Variants in CDK2AP2 observed in about 807,000 individuals in gnomAD.
CDK2AP2 encodes the protein cyclin dependent kinase 2 associated protein 2, also known as cyclin-dependent kinase 2-associated protein 2.
A neutral mutation model predicts 13.0 loss-of-function variants in CDK2AP2; 1 was observed. That is an observed-to-expected ratio of 0.08 (90% CI 0.03 to 0.37). CDK2AP2 has a LOEUF of 0.37. Ranked by LOEUF, CDK2AP2 falls within the 10% of genes least tolerant of loss-of-function variation. The pLI, the probability that CDK2AP2 is intolerant of heterozygous loss-of-function variation, is 0.99. For synonymous variants in CDK2AP2, 76 were observed against 73.0 expected (o/e 1.04, Z -0.21); for missense variants, 129 against 175.8 (o/e 0.73, Z 1.50).
intron 1 of CDK2AP2, 116 bp downstream of exon 1, chr11:67,507,885 G>A (rs1032545608): frequency 6.5e-6 from 10 of 1,542,734 alleles, no homozygotes; most frequent in African/African-American, 1.4e-5. Flanking sequence ...TCACAGGCCA[G>A]CAAACTGAGG....
At chr11:67,507,247 G>T in intron 3 of CDK2AP2, 118 bp downstream of exon 3, 9 of 1,162,594 alleles carry the variant, frequency 7.7e-6, no homozygotes, top group Non-Finnish European at 1.1e-5. Context: ...ACACCTCTCT[G>T]GTAGTAATAC....
rs2083111756 is a variant in CDK2AP2, at chr11:67,506,507, A to C, written c.*438T>G. Reference sequence around the variant, plus strand: ...AGAAAGGCTCAGAGCTGAGAGCACAACTCCAAATCATCTTTTATTAATATA... The same window carrying C: ...AGAAAGGCTCAGAGCTGAGAGCACACCTCCAAATCATCTTTTATTAATATA... On this transcript the variant is annotated 3_prime_UTR_variant, in exon 4 of 4. Coordinates refer to ENST00000301488, the MANE Select transcript of CDK2AP2 (RefSeq NM_005851.5). 4.1e-6 allele frequency: 1 copy of C among 244,538 alleles called. No homozygotes were observed. The highest frequency in any genetic ancestry group is 8.1e-6 in the Non-Finnish European group (1 of 123,058). The allele number at this position is 244,538 out of a possible 1,614,324, so 15.1% of individuals were successfully genotyped here.
Position 67,508,113 on chromosome 11 carries a change from CGGCCGCTCCTCGGGGGTTGGCTGCGG to C in CDK2AP2, c.-57_-32del. ...ACTCCTGGGCGCGGCGGACGCCAGCCGGCCGCTCCTCGGGGGTTGGCTGCGGGGCCGCTCAGCCGCGCTCTGATTGG... is the reference window on the plus strand; with the variant it reads ...ACTCCTGGGCGCGGCGGACGCCAGCCGGCCGCTCAGCCGCGCTCTGATTGG... On this transcript the variant is annotated 5_prime_UTR_variant, in exon 1 of 4. Coordinates refer to ENST00000301488, the MANE Select transcript of CDK2AP2 (RefSeq NM_005851.5). The C allele has an allele frequency of 6.9e-7, 1 of 1,449,094 alleles. No homozygotes were observed. The allele number at this position is 1,449,094 out of a possible 1,614,324, so 89.8% of individuals were successfully genotyped here. A position where few individuals can be genotyped will look rare whatever the true frequency, so the allele number is the denominator to read the frequency against.
chr11:67,508,015 G>C lies in CDK2AP2; in HGVS notation c.68C>G (p.Thr23Ser). The C allele has an allele frequency of 1.9e-6, 3 of 1,543,500 alleles. No homozygotes were observed. The highest frequency in any genetic ancestry group is 2.6e-6 in the Non-Finnish European group (3 of 1,144,996). ...TGGATCCTCACCTGTAGGGACCGGG[G>C]TGCCCGGCCCAGGGGTGCTGGAGCC... The part of the protein sequence containing the change: ...TPGSSTPGPG[T>S]PVPTGSVPSP... The change falls in exon 1 of 4, where the codon ACC (threonine) becomes AGC (serine). Residue 23 changes from threonine to serine, a missense_variant. This residue lies in a region of CDK2AP2 where 98 missense variants were observed against 99.7 expected (regional missense o/e 0.98). Coordinates refer to ENST00000301488, the MANE Select transcript of CDK2AP2 (RefSeq NM_005851.5).
In CDK2AP2 at chr11:67,507,992, G is replaced by T; in HGVS notation, c.82+9C>A. ...CGGCAGGCGAGCAGGGGTGGAGCTGGATCCTCACCTGTAGGGACCGGGGTG... is the reference window on the plus strand; with the variant it reads ...CGGCAGGCGAGCAGGGGTGGAGCTGTATCCTCACCTGTAGGGACCGGGGTG... On this transcript the variant is annotated intron_variant, in intron 1 of 3. Transcript: ENST00000301488. 6.5e-7 allele frequency: 1 copy of T among 1,549,030 alleles called. No individual in the cohort carries two copies. Among genetic ancestry groups the T allele is most frequent in the South Asian group, 1.2e-5 (1 of 83,984 alleles).
intron 3 of CDK2AP2, 176 bp from the exon 4 acceptor site, chr11:67,507,188 A>C (rs762417562): frequency 1.2e-6 from 1 of 838,618 alleles, no homozygotes; most frequent in Non-Finnish European, 1.9e-6. Flanking sequence ...TGAAATACAA[A>C]TTCCCATGCT....
chr11:67,507,251 G>A, intron 3 of CDK2AP2, 114 bp downstream of exon 3: 2 of 1,199,018 alleles, frequency 1.7e-6, no homozygotes. Flanking sequence ...CTCTCTGGTA[G>A]TAATACTGGA....
intron 3 of CDK2AP2, 73 bp downstream of exon 3, chr11:67,507,291 CA>C (rs1866554539): frequency 3.2e-6 from 5 of 1,579,946 alleles, no homozygotes. Flanking sequence ...AGGTGGCCTC[CA>C]GATGTCCTTC....
intron 3 of CDK2AP2, 69 bp from the exon 4 acceptor site, chr11:67,507,081 G>GC: frequency 8.9e-7 from 1 of 1,129,340 alleles, no homozygotes; most frequent in South Asian, 1.5e-5. Context: ...GAGGACCCCT[G>GC]CCTCCCCACT....
intron 3 of CDK2AP2, 77 bp downstream of exon 3, chr11:67,507,288 C>T (rs1866554372): frequency 1.2e-5 from 19 of 1,570,362 alleles, no homozygotes; most frequent in Non-Finnish European, 1.7e-5. Context: ...CTCAGGTGGC[C>T]TCCAGATGTC....
At position 67,506,761 on chromosome 11, in the gene CDK2AP2, TGTG is replaced by T; in HGVS notation, c.*181_*183del. On this transcript the variant is annotated 3_prime_UTR_variant, in exon 4 of 4. Transcript: ENST00000301488. Reference sequence around the variant, plus strand: ...TGGGGACCTCGCTGCTAACTCTTGTTGTGGGGGGGTGTCCTTAGTGCTGCCACC... The same window carrying T: ...TGGGGACCTCGCTGCTAACTCTTGTTGGGGGGTGTCCTTAGTGCTGCCACC... The T allele has an allele frequency of 1.7e-6, 1 of 586,974 alleles. No individual in the cohort carries two copies. The highest frequency in any genetic ancestry group is 3.0e-6 in the Non-Finnish European group (1 of 332,688). 36.4% of individuals were successfully genotyped at this position (586,974 alleles called of 1,614,324 possible). A position where few individuals can be genotyped will look rare whatever the true frequency, so the allele number is the denominator to read the frequency against.
Position 67,508,046 on chromosome 11 carries a change from T to C in CDK2AP2, c.37A>G (p.Thr13Ala), listed in dbSNP as rs1467171114. 9 of 1,525,282 alleles carry C rather than the reference T, an allele frequency of 5.9e-6. No individual in the cohort carries two copies. The Admixed American group carries it at 7.2e-5, about 12-fold the overall frequency. 94.5% of individuals were successfully genotyped at this position (1,525,282 alleles called of 1,614,324 possible). Residue 13 changes from threonine to alanine, a missense_variant, in exon 1 of 4, where the codon ACC becomes GCC. Around this residue, in one of 2 missense-constraint regions of CDK2AP2, gnomAD observed 98 missense variants for 99.7 expected, o/e 0.98. Coordinates refer to ENST00000301488, the MANE Select transcript of CDK2AP2 (RefSeq NM_005851.5). Reference protein sequence around the residue: ...YKPIAPAPSSTPGSSTPGPGT... With the variant: ...YKPIAPAPSSAPGSSTPGPGT... ...GGCCCAGGGGTGCTGGAGCCAGGGG[T>C]GCTGCTGGGAGCAGGGGCGATGGGT...
chr11:67,506,665 G>C lies in CDK2AP2; in HGVS notation c.*280C>G, dbSNP rs971186497. 7.9e-6 allele frequency: 4 copies of C among 509,044 alleles called. No individual in the cohort carries two copies. The highest frequency in any genetic ancestry group is 1.4e-5 in the Non-Finnish European group (4 of 285,796). 31.5% of individuals were successfully genotyped at this position (509,044 alleles called of 1,614,324 possible). Reference sequence around the variant, plus strand: ...CGGGACAAAGTGGGAGAAGTGCTGGGAAGGGCTGAGCGGTAGGGGCCACAA... The same window carrying C: ...CGGGACAAAGTGGGAGAAGTGCTGGCAAGGGCTGAGCGGTAGGGGCCACAA... On this transcript the variant is annotated 3_prime_UTR_variant, in exon 4 of 4. Coordinates refer to ENST00000301488, the MANE Select transcript of CDK2AP2 (RefSeq NM_005851.5).
In CDK2AP2 at chr11:67,506,742, C is replaced by T. The variant is rs975773725; in HGVS notation, c.*203G>A. On this transcript the variant is annotated 3_prime_UTR_variant, in exon 4 of 4. Coordinates refer to ENST00000301488, the MANE Select transcript of CDK2AP2 (RefSeq NM_005851.5). ...AGGTCATGGGTGGGACTCATGGGGA[C>T]CTCGCTGCTAACTCTTGTTGTGGGG... 2.6e-5 allele frequency: 15 copies of T among 576,498 alleles called. No homozygotes were observed. Among genetic ancestry groups the T allele is most frequent in the Non-Finnish European group, 3.7e-5 (12 of 325,986 alleles). 35.7% of individuals were successfully genotyped at this position (576,498 alleles called of 1,614,324 possible).
At position 67,508,159 on chromosome 11, in the gene CDK2AP2, G is replaced by A; in HGVS notation, c.-77C>T. The stretch of plus-strand genomic sequence containing the variant: ...CTGCGGGGCCGCTCAGCCGCGCTCT[G>A]ATTGGCAAGCGGGCTGCACGCCCCT... On this transcript the variant is annotated 5_prime_UTR_variant, in exon 1 of 4. Transcript: ENST00000301488. 7.1e-7 allele frequency: 1 copy of A among 1,416,726 alleles called. No individual in the cohort carries two copies. Among genetic ancestry groups the A allele is most frequent in the South Asian group, 1.6e-5 (1 of 62,716 alleles). The allele number at this position is 1,416,726 out of a possible 1,614,324, so 87.8% of individuals were successfully genotyped here.
In CDK2AP2 at chr11:67,507,730, G is replaced by A. The variant is rs746595089; in HGVS notation, c.83-41C>T. 6.2e-6 allele frequency: 10 copies of A among 1,604,526 alleles called. No homozygotes were observed. In the South Asian group the frequency reaches 8.8e-5, roughly 14 times the overall value. Reference sequence around the variant, plus strand: ...CGAGTAAGAGGTCAGCGCGGGGCAGGGACGCCGCCTCCCAGCTTTTCCAAG... The same window carrying A: ...CGAGTAAGAGGTCAGCGCGGGGCAGAGACGCCGCCTCCCAGCTTTTCCAAG... On this transcript the variant is annotated intron_variant, in intron 1 of 3. Coordinates refer to ENST00000301488, the MANE Select transcript of CDK2AP2 (RefSeq NM_005851.5).
chr11:67,507,954 G>T (rs1044330023), intron 1 of CDK2AP2, 47 bp downstream of exon 1: 7 of 1,549,300 alleles, frequency 4.5e-6, no homozygotes, highest in Non-Finnish European at 6.1e-6. Context: ...TTCTCTTCGA[G>T]ACCTCGACCG....
At chr11:67,507,853 C>A in intron 1 of CDK2AP2, 148 bp downstream of exon 1, 1 of 1,539,440 alleles carries the variant, frequency 6.5e-7, no homozygotes, top group Non-Finnish European at 8.7e-7. Flanking sequence ...CACCTACAAG[C>A]CCTTACGTGA....
chr11:67,506,593 G>A lies in CDK2AP2; in HGVS notation c.*352C>T. The stretch of plus-strand genomic sequence containing the variant: ...AGAGTCACTATGGCTCAGGACACAA[G>A]GCAGGGAGGTGCCAGGCCTGTGCCC... On this transcript the variant is annotated 3_prime_UTR_variant, in exon 4 of 4. Transcript: ENST00000301488. The A allele has an allele frequency of 5.1e-6, 2 of 388,680 alleles. No homozygotes were observed. The highest frequency in any genetic ancestry group is 9.5e-6 in the Non-Finnish European group (2 of 211,620). The allele number at this position is 388,680 out of a possible 1,614,324, so 24.1% of individuals were successfully genotyped here. A position where few individuals can be genotyped will look rare whatever the true frequency, so the allele number is the denominator to read the frequency against.
Sources: gnomAD v4.1 joint callset for allele counts on GRCh38, gnomAD v4.1.1 for gene constraint, gnomAD v4.1.1 regional missense constraint, MANE v1.5 for transcripts, NCBI Gene and HGNC (gene_info 2026-07-23, HGNC 2026-07-21) for gene names.